DNAJC24: variants seen among roughly 807,000 people sequenced by gnomAD.
DNAJC24 encodes dnaJ homolog subfamily C member 24.
In DNAJC24, 17 loss-of-function variants were observed where a neutral mutation model predicts 18.0. The ratio of observed to expected loss-of-function variants is 0.94; its 90% CI spans 0.65 to 1.42. DNAJC24 has a LOEUF of 1.42. Among genes scored for constraint, DNAJC24 ranks in the 40% most tolerant of loss-of-function variants. The probability of loss-of-function intolerance (pLI) is 0.00; values close to 1 mark genes in which losing one functional copy is unlikely to be tolerated. For synonymous variants in DNAJC24, 55 were observed against 57.7 expected (o/e 0.95, Z 0.21); for missense variants, 158 against 175.6 (o/e 0.90, Z 0.57).
At chr11:31,379,325 C>T (rs970126692) in intron 2 of DNAJC24, among the ~76,000 whole-genome samples, 4 of 152,068 alleles carry the variant, frequency 2.6e-5, no homozygotes, top group Non-Finnish European at 5.9e-5. Flanking sequence ...GGATGTAGGT[C>T]GCACATTCCT....
intron 2 of DNAJC24, among the ~76,000 whole-genome samples, chr11:31,389,327 G>A (rs766136697): frequency 1.9e-4 from 29 of 151,620 alleles, no homozygotes; most frequent in Non-Finnish European, 4.1e-4. Flanking sequence ...CATGCAAATT[G>A]AAACAAACAA....
At chr11:31,420,203 C>T (rs969556395) in intron 3 of DNAJC24, among the ~76,000 whole-genome samples, 2 of 152,068 alleles carry the variant, frequency 1.3e-5, no homozygotes, top group African/African-American at 2.4e-5. Flanking sequence ...TTTAGAGGCT[C>T]CCAGACACAC....
At chr11:31,413,748 GT>G (rs1388191986) in intron 2 of DNAJC24, among the ~76,000 whole-genome samples, 1 of 152,140 alleles carries the variant, frequency 6.6e-6, no homozygotes, top group Non-Finnish European at 1.5e-5. Context: ...AAAGAACCTG[GT>G]AAGCATCATG....
intron 2 of DNAJC24, among the ~76,000 whole-genome samples, chr11:31,386,471 T>C (rs1335400240): frequency 6.6e-6 from 1 of 151,912 alleles, no homozygotes; most frequent in Non-Finnish European, 1.5e-5. Context: ...CTGTAGCTCC[T>C]AGACTACATT....
At chr11:31,414,143 A>G (rs1440826605) in intron 2 of DNAJC24, among the ~76,000 whole-genome samples, 1 of 152,206 alleles carries the variant, frequency 6.6e-6, no homozygotes, top group African/African-American at 2.4e-5. Context: ...AAATTTTTAG[A>G]CTTTTTAGAA....
At chr11:31,416,635 T>G (rs1952753607) in intron 3 of DNAJC24, 1 of 152,090 alleles carries the variant, frequency 6.6e-6, no homozygotes, top group Non-Finnish European at 1.5e-5. Context: ...CTGTGTACTA[T>G]TAAGAACATA....
intron 2 of DNAJC24, among the ~76,000 whole-genome samples, chr11:31,396,789 A>G (rs1441531622): frequency 6.6e-6 from 1 of 152,178 alleles, no homozygotes; most frequent in African/African-American, 2.4e-5. Context: ...TTGGCATACT[A>G]AAAAACTCTC....
At chr11:31,381,047 G>C (rs562977507) in intron 2 of DNAJC24, among the ~76,000 whole-genome samples, 3 of 152,106 alleles carry the variant, frequency 2.0e-5, no homozygotes, top group African/African-American at 7.2e-5. Context: ...AGTGCATTTG[G>C]GTATGTTTTA....
chr11:31,372,649 G>A (rs75297309), intron 2 of DNAJC24, among the ~76,000 whole-genome samples: 1,479 of 135,792 alleles, frequency 0.011, 306 homozygotes, highest in Admixed American at 0.088. Flanking sequence ...TGTAGTATCT[G>A]TCAAACAGCA....
intron 2 of DNAJC24, chr11:31,407,629 G>A (rs1952667786): frequency 7.0e-6 from 1 of 141,896 alleles, no homozygotes; most frequent in Non-Finnish European, 1.5e-5. Flanking sequence ...AGGTTGCAGT[G>A]AGCCAGGATC....
intron 2 of DNAJC24, among the ~76,000 whole-genome samples, chr11:31,395,966 A>G (rs1564951103): frequency 6.6e-6 from 1 of 151,966 alleles, no homozygotes. Flanking sequence ...AGCTTTTTCC[A>G]CTCATCCAGT....
At chr11:31,424,831 TTAC>T (rs1952845192) in intron 3 of DNAJC24, among the ~76,000 whole-genome samples, 1 of 152,142 alleles carries the variant, frequency 6.6e-6, no homozygotes, top group Non-Finnish European at 1.5e-5. Context: ...GAACAGGCAG[TTAC>T]TAAATATAAT....
chr11:31,389,665 G>T (rs905530052), intron 2 of DNAJC24, among the ~76,000 whole-genome samples: 3 of 152,144 alleles, frequency 2.0e-5, no homozygotes, highest in Non-Finnish European at 4.4e-5. Context: ...GGACCTACCT[G>T]ATAGATATTT....
In DNAJC24 at chr11:31,430,475, A is replaced by G; in HGVS notation, c.*74A>G. 1 of 1,338,598 alleles carries G rather than the reference A, an allele frequency of 7.5e-7. No homozygotes were observed. The highest frequency in any genetic ancestry group is 1.0e-6 in the Non-Finnish European group (1 of 997,972). 82.9% of individuals were successfully genotyped at this position (1,338,598 alleles called of 1,614,324 possible). ...AGAAGCCGTTGAGCTTTGTCCATTC[A>G]AGGAAATGGATTATTTGTCAGCCCG... On this transcript the variant is annotated 3_prime_UTR_variant, in exon 5 of 5. Transcript: ENST00000465995.
chr11:31,418,365 A>C (rs1255472643), intron 3 of DNAJC24, among the ~76,000 whole-genome samples: 1 of 152,102 alleles, frequency 6.6e-6, no homozygotes, highest in Admixed American at 6.6e-5. Context: ...TCTTGTGGGG[A>C]GTTGTCCTTA....
chr11:31,383,127 C>G (rs1316724612), intron 2 of DNAJC24, among the ~76,000 whole-genome samples: 1 of 152,062 alleles, frequency 6.6e-6, no homozygotes, highest in Non-Finnish European at 1.5e-5. Context: ...TCTTTGTTAA[C>G]CCACCTGGAG....
chr11:31,392,651 T>A (rs1952508358), intron 2 of DNAJC24, among the ~76,000 whole-genome samples: 1 of 152,016 alleles, frequency 6.6e-6, no homozygotes, highest in Non-Finnish European at 1.5e-5. Flanking sequence ...GGTGGGGCCC[T>A]TGTGAATGAG....
chr11:31,378,761 G>A (rs145902921), intron 2 of DNAJC24, among the ~76,000 whole-genome samples: 7 of 152,174 alleles, frequency 4.6e-5, no homozygotes, highest in Admixed American at 1.3e-4. Flanking sequence ...AAAGTTAAGC[G>A]TGAGCTCTAG....
intron 2 of DNAJC24, among the ~76,000 whole-genome samples, chr11:31,382,151 T>C (rs954841839): frequency 2.0e-5 from 3 of 152,140 alleles, no homozygotes; most frequent in Non-Finnish European, 4.4e-5. Flanking sequence ...GTAATAAATA[T>C]TATGTACAGT....
Sources: allele counts gnomAD v4.1 joint callset (sites outside exome capture counted in the v4.1 genomes callset), GRCh38; gene constraint gnomAD v4.1.1; transcripts MANE v1.5; gene names NCBI Gene and HGNC (gene_info 2026-07-23, HGNC 2026-07-21).